The following PACRG variants were observed in gnomAD, a reference collection of about 807,000 sequenced individuals.
The protein encoded by PACRG is parkin coregulated gene protein.
Under a neutral mutation model 29.7 loss-of-function variants are expected in PACRG, and 29 were observed. That is an observed-to-expected ratio of 0.98 (90% CI 0.73 to 1.33). The LOEUF (loss-of-function observed/expected upper bound fraction) is 1.33, where lower values mean the gene tolerates loss of function less well. Ranked by LOEUF, PACRG falls within the 40% of genes most tolerant of loss-of-function variation. The pLI, the probability that PACRG is intolerant of heterozygous loss-of-function variation, is 0.00. For synonymous variants in PACRG, 116 were observed against 118.7 expected (o/e 0.98, Z 0.15); for missense variants, 279 against 316.2 (o/e 0.88, Z 0.89).
At chr6:162,880,592 C>A (rs1160737038) in intron 2 of PACRG, among the ~76,000 whole-genome samples, 1 of 152,140 alleles carries the variant, frequency 6.6e-6, no homozygotes, top group African/African-American at 2.4e-5. Context: ...CGCTTCATAT[C>A]TTTCAGGCAA....
At chr6:163,300,778 T>C (rs1159222525) in intron 4 of PACRG, among the ~76,000 whole-genome samples, 1 of 128,396 alleles carries the variant, frequency 7.8e-6, no homozygotes, top group Non-Finnish European at 1.6e-5. Context: ...GTATCAGGTG[T>C]GCATTTGAAA....
chr6:163,010,922 G>C (rs1805552103), intron 2 of PACRG, among the ~76,000 whole-genome samples: 2 of 152,254 alleles, frequency 1.3e-5, no homozygotes, highest in Admixed American at 1.3e-4. Context: ...CTGCAGGGTT[G>C]CTGAGCCGGG....
chr6:162,947,647 T>TAC (rs56776153), intron 2 of PACRG, among the ~76,000 whole-genome samples: 2 of 56,630 alleles, frequency 3.5e-5, no homozygotes, highest in East Asian at 8.2e-4. Flanking sequence ...TATATATATA[T>TAC]ACACCCAAAG....
intron 1 of PACRG, among the ~76,000 whole-genome samples, chr6:162,812,714 T>C (rs1562622161): frequency 6.6e-6 from 1 of 152,156 alleles, no homozygotes; most frequent in Non-Finnish European, 1.5e-5. Flanking sequence ...CTAAAACTGT[T>C]CTTTTTATGT....
At chr6:163,252,147 A>T (rs12208511) in intron 4 of PACRG, among the ~76,000 whole-genome samples, 1 of 152,192 alleles carries the variant, frequency 6.6e-6, no homozygotes, top group East Asian at 1.9e-4. Context: ...ATTACCCCAC[A>T]AGACGGGTGC....
chr6:163,239,109 C>T (rs1258845773), intron 4 of PACRG, among the ~76,000 whole-genome samples: 1 of 152,138 alleles, frequency 6.6e-6, no homozygotes, highest in Non-Finnish European at 1.5e-5. Context: ...AATTACTGAA[C>T]AAGGCACTTA....
At chr6:162,891,507 C>T (rs186154889) in intron 2 of PACRG, among the ~76,000 whole-genome samples, 1 of 152,212 alleles carries the variant, frequency 6.6e-6, no homozygotes. Context: ...CTTGCTGCAG[C>T]CATTCCATCT....
intron 4 of PACRG, among the ~76,000 whole-genome samples, chr6:163,186,951 GCGC>G (rs1383201102): frequency 2.0e-5 from 3 of 152,184 alleles, no homozygotes; most frequent in African/African-American, 7.2e-5. Context: ...CCCGGGCTCT[GCGC>G]CATCAGCGCC....
intron 4 of PACRG, among the ~76,000 whole-genome samples, chr6:163,281,386 TGG>T (rs1208917531): frequency 6.6e-6 from 1 of 152,108 alleles, no homozygotes; most frequent in African/African-American, 2.4e-5. Flanking sequence ...GGTATCTGCA[TGG>T]GATGGAAGTG....
chr6:162,750,881 T>G (rs777435994), intron 1 of PACRG, among the ~76,000 whole-genome samples: 1 of 152,180 alleles, frequency 6.6e-6, no homozygotes, highest in Non-Finnish European at 1.5e-5. Context: ...CTTTAGGGAT[T>G]TTATAGGATT....
At chr6:162,748,576 C>T (rs902699193) in intron 1 of PACRG, among the ~76,000 whole-genome samples, 8 of 152,116 alleles carry the variant, frequency 5.3e-5, no homozygotes, top group African/African-American at 1.7e-4. Flanking sequence ...TTTCCATTGT[C>T]AGATTTGAAA....
intron 4 of PACRG, among the ~76,000 whole-genome samples, chr6:163,267,628 A>C (rs1456430409): frequency 6.6e-6 from 1 of 152,244 alleles, no homozygotes; most frequent in Non-Finnish European, 1.5e-5. Context: ...GGTTAGATTA[A>C]AAAGTATTTT....
chr6:163,260,084 G>A (rs917855084), intron 4 of PACRG, among the ~76,000 whole-genome samples: 29 of 152,272 alleles, frequency 1.9e-4, no homozygotes, highest in Non-Finnish European at 3.4e-4. Flanking sequence ...CTTATCCTTG[G>A]TGCCTCCAGA....
chr6:162,837,383 A>G (rs1026601969), intron 2 of PACRG, among the ~76,000 whole-genome samples: 2 of 152,122 alleles, frequency 1.3e-5, no homozygotes, highest in Admixed American at 1.3e-4. Context: ...CACACATTAA[A>G]TGATAAGGAG....
At chr6:163,179,394 T>TAAAA in intron 4 of PACRG, 4 of 216,182 alleles carry the variant, frequency 1.9e-5, no homozygotes, top group South Asian at 5.1e-5. Context: ...TTCTTTAAAT[T>TAAAA]AAAAAAAAAA....
intron 1 of PACRG, among the ~76,000 whole-genome samples, chr6:162,736,686 T>C (rs1780190667): frequency 6.6e-6 from 1 of 151,950 alleles, no homozygotes; most frequent in African/African-American, 2.4e-5. Flanking sequence ...TGTTGTAAGT[T>C]CTATTCATTA....
At chr6:163,076,113 G>A (rs1812516281) in intron 3 of PACRG, among the ~76,000 whole-genome samples, 1 of 152,168 alleles carries the variant, frequency 6.6e-6, no homozygotes, top group African/African-American at 2.4e-5. Flanking sequence ...TACAGCCCCT[G>A]GATTCTGTTG....
intron 4 of PACRG, among the ~76,000 whole-genome samples, chr6:163,131,096 A>G (rs929784360): frequency 1.3e-5 from 2 of 152,114 alleles, no homozygotes; most frequent in Non-Finnish European, 2.9e-5. Flanking sequence ...TCACGAGGTC[A>G]GGAGATCGAG....
chr6:162,940,424 C>T (rs1175676793), intron 2 of PACRG, among the ~76,000 whole-genome samples: 1 of 152,098 alleles, frequency 6.6e-6, no homozygotes, highest in Non-Finnish European at 1.5e-5. Context: ...TTTCTCCTAT[C>T]TCTCTCTGTC....
Sources: allele counts gnomAD v4.1 joint callset (sites outside exome capture counted in the v4.1 genomes callset), GRCh38; gene constraint gnomAD v4.1.1; transcripts MANE v1.5; gene names NCBI Gene and HGNC (gene_info 2026-07-23, HGNC 2026-07-21).